The following ATP2C2 variants were observed in gnomAD, a reference collection of about 807,000 sequenced individuals.
ATP2C2 encodes the protein calcium-transporting ATPase type 2C member 2.
A neutral mutation model predicts 110.8 loss-of-function variants in ATP2C2; 171 were observed. The observed-to-expected ratio is 1.54, with a 90% CI of 1.36 to 1.75. The LOEUF (loss-of-function observed/expected upper bound fraction) is 1.75. ATP2C2 is among the 40% of genes most tolerant of loss of function. The pLI is 0.00. For missense variants in ATP2C2, 1,963 were observed against 1,235.0 expected, an observed-to-expected ratio of 1.59 and a Z score of -8.84; for synonymous variants, 804 against 508.4, an observed-to-expected ratio of 1.58 and a Z score of -7.82.
At chr16:84,446,681 A>G (rs777853631) in intron 16 of ATP2C2, among the ~76,000 whole-genome samples, 2 of 152,198 alleles carry the variant, frequency 1.3e-5, no homozygotes, top group Non-Finnish European at 2.9e-5. Context: ...GCGAGACTTT[A>G]TTAGAAATGC....
chr16:84,412,462 G>A (rs1227878124), intron 6 of ATP2C2, among the ~76,000 whole-genome samples: 10 of 147,970 alleles, frequency 6.8e-5, no homozygotes, highest in Admixed American at 6.1e-4. Context: ...CTGTGTCTCC[G>A]TGTGTGTGTC....
intron 1 of ATP2C2, among the ~76,000 whole-genome samples, 200 bp from the exon 2 acceptor site, chr16:84,398,299 G>A (rs946884007): frequency 1.3e-5 from 2 of 152,018 alleles, no homozygotes; most frequent in Admixed American, 1.3e-4. Flanking sequence ...CCAGCTACTC[G>A]GGAGGCTGAG....
chr16:84,422,348 G>A, intron 7 of ATP2C2, 42 bp from the exon 8 acceptor site: 1 of 1,594,504 alleles, frequency 6.3e-7, no homozygotes, highest in Non-Finnish European at 8.6e-7. Flanking sequence ...AATTCTCGGG[G>A]TGACAGAGAG....
rs879407513 is a variant in ATP2C2, at chr16:84,455,117, C to T, written c.2147+133C>T. On this transcript the variant is annotated intron_variant, in intron 21 of 26. Transcript: ENST00000262429. Reference sequence around the variant, plus strand: ...CCAGGGAGAGCTGAATCTCGGGGCTCGTCAGTGTGGCAGGTGCCCCCAACC... The same window carrying T: ...CCAGGGAGAGCTGAATCTCGGGGCTTGTCAGTGTGGCAGGTGCCCCCAACC... 2.6e-5 allele frequency: 31 copies of T among 1,212,066 alleles called. 1 individual carries two copies. The highest frequency in any genetic ancestry group is 1.3e-4 in the East Asian group (5 of 38,456). 75.1% of individuals were successfully genotyped at this position (1,212,066 alleles called of 1,614,324 possible).
intron 23 of ATP2C2, chr16:84,460,305 G>A (rs1408107016): frequency 5.6e-6 from 2 of 356,842 alleles, no homozygotes; most frequent in Non-Finnish European, 5.4e-6. Context: ...GAGGGGCTCT[G>A]CGGAGGGCGG....
At chr16:84,460,877 C>T (rs779796521) in intron 24 of ATP2C2, 76 bp downstream of exon 24, 7 of 1,501,090 alleles carry the variant, frequency 4.7e-6, no homozygotes, top group African/African-American at 1.4e-5. Context: ...TCCCTGCCCT[C>T]CTGCCACAGC....
At chr16:84,391,915 CT>C (rs796746301) in intron 1 of ATP2C2, among the ~76,000 whole-genome samples, 168 of 147,016 alleles carry the variant, frequency 1.1e-3, no homozygotes, top group African/African-American at 3.5e-3. Context: ...CTTCCTTCCT[CT>C]TTTTTTTTTT....
chr16:84,414,151 A>G (rs1906629214), intron 6 of ATP2C2, among the ~76,000 whole-genome samples: 1 of 152,198 alleles, frequency 6.6e-6, no homozygotes, highest in African/African-American at 2.4e-5. Context: ...GAGGAAGAGG[A>G]GCCTGCCATG....
At chr16:84,442,866 C>A (rs970719709) in intron 15 of ATP2C2, among the ~76,000 whole-genome samples, 1 of 152,154 alleles carries the variant, frequency 6.6e-6, no homozygotes, top group Non-Finnish European at 1.5e-5. Flanking sequence ...GGTTCAGGCC[C>A]TGGTCAGGTG....
intron 1 of ATP2C2, among the ~76,000 whole-genome samples, chr16:84,373,566 G>A (rs1213679945): frequency 6.6e-6 from 1 of 152,144 alleles, no homozygotes; most frequent in East Asian, 1.9e-4. Flanking sequence ...TTGAAATGAG[G>A]TCTCATAACT....
intron 7 of ATP2C2, among the ~76,000 whole-genome samples, chr16:84,417,215 C>T (rs1187697300): frequency 2.0e-5 from 3 of 152,148 alleles, no homozygotes; most frequent in South Asian, 2.1e-4. Context: ...GTGCTCAGAA[C>T]GGTGCCTGGC....
intron 21 of ATP2C2, among the ~76,000 whole-genome samples, 170 bp downstream of exon 21, chr16:84,455,154 C>T (rs1910681966): frequency 1.3e-5 from 2 of 152,010 alleles, no homozygotes; most frequent in African/African-American, 4.8e-5. Context: ...CAAGTACCAA[C>T]AGCCTCTCAT....
chr16:84,426,531 G>A (rs1318936687), intron 11 of ATP2C2, among the ~76,000 whole-genome samples: 1 of 152,054 alleles, frequency 6.6e-6, no homozygotes, highest in Admixed American at 6.6e-5. Context: ...TTCTACGCTT[G>A]CCACAAAACT....
In ATP2C2 at chr16:84,462,780, G is replaced by C. The variant is rs142939689; in HGVS notation, c.2722+651G>C. On this transcript the variant is annotated intron_variant, in intron 26 of 26. Transcript: ENST00000262429. Reference sequence around the variant, plus strand: ...TGAGAGCCAACCCCAACCCGGAATAGAGGACGAGGGAGGCCAGTGAGGCAG... The same window carrying C: ...TGAGAGCCAACCCCAACCCGGAATACAGGACGAGGGAGGCCAGTGAGGCAG... 998 of 152,996 alleles carry C rather than the reference G, an allele frequency of 6.5e-3. 13 individuals are homozygous for C. The highest frequency in any genetic ancestry group is 0.023 in the African/African-American group (943 of 41,576). The allele number at this position is 152,996 out of a possible 1,614,324, so 9.5% of individuals were successfully genotyped here.
At position 84,415,482 on chromosome 16, in the gene ATP2C2, G is replaced by A; in HGVS notation, c.516-1G>A. On this transcript the variant is annotated splice_acceptor_variant, in intron 6 of 26. Transcript: ENST00000262429. LOFTEE classifies it high-confidence loss of function. ...TTTGCTTTTTACCATGTCAAATGCA[G>A]CCTAAGAGAAGGAAAACTCCAGCAC... is the stretch of plus-strand genomic sequence containing the variant. 6.2e-7 allele frequency: 1 copy of A among 1,613,926 alleles called. No individual in the cohort carries two copies. Among genetic ancestry groups the A allele is most frequent in the Non-Finnish European group, 8.5e-7 (1 of 1,179,834 alleles).
intron 1 of ATP2C2, among the ~76,000 whole-genome samples, chr16:84,385,163 G>T (rs1168568806): frequency 6.6e-6 from 1 of 152,158 alleles, no homozygotes; most frequent in East Asian, 1.9e-4. Context: ...GGCTTCTTCT[G>T]GGAAGACCTC....
chr16:84,388,299 T>C (rs1318059048), intron 1 of ATP2C2, among the ~76,000 whole-genome samples: 1 of 151,714 alleles, frequency 6.6e-6, no homozygotes, highest in East Asian at 1.9e-4. Context: ...CACTGCAGCC[T>C]GGGTGAAAGA....
At chr16:84,439,692 C>T (rs1161112103) in intron 13 of ATP2C2, among the ~76,000 whole-genome samples, 168 bp downstream of exon 13, 1 of 152,208 alleles carries the variant, frequency 6.6e-6, no homozygotes, top group Non-Finnish European at 1.5e-5. Context: ...TCATCCCATA[C>T]TTCCTTTTAA....
intron 15 of ATP2C2, among the ~76,000 whole-genome samples, chr16:84,443,614 A>T (rs1232240154): frequency 6.6e-6 from 1 of 152,082 alleles, no homozygotes; most frequent in Admixed American, 6.5e-5. Flanking sequence ...AGTTCACTCC[A>T]GTTTCCACCC....
Sources: gnomAD v4.1 joint callset for allele counts (sites outside exome capture counted in the v4.1 genomes callset) on GRCh38, gnomAD v4.1.1 for gene constraint, MANE v1.5 for transcripts, NCBI Gene and HGNC (gene_info 2026-07-23, HGNC 2026-07-21) for gene names.